The following PRKN variants were observed in gnomAD, a reference collection of about 807,000 sequenced individuals.
PRKN encodes parkin RBR E3 ubiquitin protein ligase, also known as E3 ubiquitin-protein ligase parkin.
In PRKN, 56 loss-of-function variants were observed where a neutral mutation model predicts 59.5. That is an observed-to-expected ratio of 0.94 (90% CI 0.76 to 1.18). The LOEUF (loss-of-function observed/expected upper bound fraction) is 1.18, where lower values mean the gene tolerates loss of function less well. PRKN is among the 50% of genes most tolerant of loss of function. The probability of loss-of-function intolerance (pLI) is 0.00; values close to 1 mark genes in which losing one functional copy is unlikely to be tolerated. For missense variants in PRKN, 657 were observed against 596.4 expected, an observed-to-expected ratio of 1.10 and a Z score of -1.06; for synonymous variants, 250 against 222.1, an observed-to-expected ratio of 1.13 and a Z score of -1.12.
chr6:162,030,981 A>C (rs571936902), intron 5 of PRKN, among the ~76,000 whole-genome samples: 1 of 152,352 alleles, frequency 6.6e-6, no homozygotes, highest in African/African-American at 2.4e-5. Context: ...ATGAGAGAAC[A>C]AAGAAATTAA....
chr6:162,715,138 A>T (rs562071757), intron 1 of PRKN, among the ~76,000 whole-genome samples: 56 of 152,270 alleles, frequency 3.7e-4, no homozygotes, highest in Admixed American at 5.9e-4. Context: ...TCCCATCTCA[A>T]CACCTGATGG....
chr6:162,509,250 C>G (rs1287678754), intron 1 of PRKN, among the ~76,000 whole-genome samples: 1 of 152,210 alleles, frequency 6.6e-6, no homozygotes, highest in Non-Finnish European at 1.5e-5. Context: ...ACTACCATCA[C>G]TGAGTTGTTC....
chr6:161,732,479 T>TGTG (rs1261124218), intron 7 of PRKN, among the ~76,000 whole-genome samples: 3 of 126,984 alleles, frequency 2.4e-5, no homozygotes, highest in African/African-American at 1.6e-4. Context: ...CAGAGGTTTT[T>TGTG]TTTTTTTGTG....
rs1790326464 is a variant in PRKN at position 161,463,909 on chromosome 6, T to C, written c.1084-77032A>G. Among the ~76,000 whole-genome samples the C allele has an allele frequency of 6.6e-6, 1 of 152,244 alleles. No individual in the cohort carries two copies. The highest frequency in any genetic ancestry group is 1.5e-5 in the Non-Finnish European group (1 of 68,038). ...TTTAAGATACTGTACTCCATAGAGC[T>C]AGGATGGTAGACATCAACATACAGA... On this transcript the variant is annotated intron_variant, in intron 9 of 11. Transcript: ENST00000366898. This position sits in a 1 kb window ranked among gnomAD's most constrained non-coding sequence, Gnocchi z 4.8.
intron 1 of PRKN, among the ~76,000 whole-genome samples, chr6:162,617,766 T>A (rs181607606): frequency 6.6e-6 from 1 of 152,058 alleles, no homozygotes; most frequent in African/African-American, 2.4e-5. Context: ...TAATTTTTTT[T>A]TGTTATGGTC....
intron 5 of PRKN, among the ~76,000 whole-genome samples, chr6:161,992,930 T>A (rs1299760986): frequency 2.0e-5 from 3 of 151,996 alleles, no homozygotes; most frequent in Non-Finnish European, 4.4e-5. Context: ...ATGTAATATA[T>A]TAAAACCCGT....
intron 4 of PRKN, among the ~76,000 whole-genome samples, chr6:162,180,230 G>T (rs1193732971): frequency 6.6e-6 from 1 of 152,064 alleles, no homozygotes; most frequent in African/African-American, 2.4e-5. Context: ...TTTTCACTTG[G>T]TTGAAAGCTA....
In PRKN at chr6:161,417,084, G is replaced by C. The variant is rs527738719; in HGVS notation, c.1084-30207C>G. 6.6e-6 allele frequency among the ~76,000 whole-genome samples: 1 copy of C among 152,290 alleles called. No individual in the cohort carries two copies. The highest frequency in any genetic ancestry group is 6.5e-5 in the Admixed American group (1 of 15,288). On this transcript the variant is annotated intron_variant, in intron 9 of 11. Transcript: ENST00000366898. This position sits in a 1 kb window ranked among gnomAD's most constrained non-coding sequence, Gnocchi z 5.4. ...CACCCCTCATTCAAGCTCCAGACCT[G>C]GGCCAAGAGCAAGAAGAGAGCTTGC...
intron 4 of PRKN, among the ~76,000 whole-genome samples, chr6:162,145,683 A>G (rs530993848): frequency 6.6e-6 from 1 of 152,302 alleles, no homozygotes; most frequent in East Asian, 1.9e-4. Context: ...AAATACCCCC[A>G]GAGGTTTCCC....
Position 161,349,851 on chromosome 6 carries a change from G to T in PRKN, c.*248C>A. The T allele has an allele frequency of 1.7e-6, 1 of 572,192 alleles. No individual in the cohort carries two copies. The highest frequency in any genetic ancestry group is 3.2e-6 in the Non-Finnish European group (1 of 314,090). 35.4% of individuals were successfully genotyped at this position (572,192 alleles called of 1,614,324 possible). ...GTCGCAGATGGCTCTGCTGTCTTGT[G>T]TGGACAAACTGAAAGGGATTCAGGA... On this transcript the variant is annotated 3_prime_UTR_variant, in exon 12 of 12. Transcript: ENST00000366898. The surrounding 1 kb of genome is among the most constrained non-coding windows in gnomAD (Gnocchi z 5.5).
At chr6:161,364,914 G>T (rs1029835497) in intron 10 of PRKN, among the ~76,000 whole-genome samples, 1 of 148,066 alleles carries the variant, frequency 6.8e-6, no homozygotes, top group Non-Finnish European at 1.5e-5. Context: ...CTGGGCAACG[G>T]AGTGAGACTT....
intron 6 of PRKN, among the ~76,000 whole-genome samples, chr6:161,828,955 G>A (rs374594986): frequency 1.3e-5 from 2 of 151,402 alleles, no homozygotes; most frequent in African/African-American, 2.4e-5. Flanking sequence ...AGCCGGTTGC[G>A]ACGGCTCACA....
At chr6:161,517,160 T>A (rs370125873) in intron 9 of PRKN, among the ~76,000 whole-genome samples, 19 of 152,104 alleles carry the variant, frequency 1.2e-4, no homozygotes, top group African/African-American at 4.6e-4. Flanking sequence ...GATGACTTCT[T>A]TTATCTGGGA....
chr6:161,391,753 AAAGGCCTAAG>A lies in PRKN; in HGVS notation c.1084-4886_1084-4877del, dbSNP rs1786512031. Among the ~76,000 whole-genome samples, 1 of 152,028 alleles carries A rather than the reference AAAGGCCTAAG, an allele frequency of 6.6e-6. No individual in the cohort carries two copies. The highest frequency in any genetic ancestry group is 1.5e-5 in the Non-Finnish European group (1 of 68,020). ...TGAAGGGGGCTGATTCAATCTGTGG[AAAGGCCTAAG>A]AGCATAACTGAGCCTTCCCTGAGGA... On this transcript the variant is annotated intron_variant, in intron 9 of 11. Transcript: ENST00000366898. This position sits in a 1 kb window ranked among gnomAD's most constrained non-coding sequence, Gnocchi z 4.9.
At chr6:162,567,318 A>G (rs1583820326) in intron 1 of PRKN, among the ~76,000 whole-genome samples, 1 of 152,314 alleles carries the variant, frequency 6.6e-6, no homozygotes, top group East Asian at 1.9e-4. Flanking sequence ...TTGTAAAGGA[A>G]GAAGTCAAAT....
At chr6:162,517,501 C>A (rs1031787172) in intron 1 of PRKN, among the ~76,000 whole-genome samples, 1 of 151,924 alleles carries the variant, frequency 6.6e-6, no homozygotes, top group African/African-American at 2.4e-5. Context: ...TGTGATCTGC[C>A]CACTTCGGCC....
chr6:162,521,253 T>C (rs904279931), intron 1 of PRKN, among the ~76,000 whole-genome samples: 5 of 152,176 alleles, frequency 3.3e-5, no homozygotes, highest in African/African-American at 9.6e-5. Flanking sequence ...TTTCCAAAAC[T>C]ATAAGCAAGC....
rs1583302087 is a variant in PRKN, at chr6:162,275,750, A to G, written c.172-12985T>C. Among the ~76,000 whole-genome samples, 6 of 151,266 alleles carry G rather than the reference A, an allele frequency of 4.0e-5. No individual in the cohort carries two copies. In the Admixed American group the frequency reaches 4.0e-4, roughly 10 times the overall value. ...CAGTGAACCAAGACCACACAATCGC[A>G]CTCCTGCCTGGGTAACAAGAGTGAA... On this transcript the variant is annotated intron_variant, in intron 2 of 11. Transcript: ENST00000366898.
intron 5 of PRKN, among the ~76,000 whole-genome samples, chr6:162,022,837 C>T (rs778072477): frequency 1.3e-5 from 2 of 152,084 alleles, no homozygotes; most frequent in African/African-American, 2.4e-5. Context: ...TTTTTGCATA[C>T]GGTGAGAGGA....
Sources: gnomAD v4.1 joint callset for allele counts (sites outside exome capture counted in the v4.1 genomes callset) on GRCh38, gnomAD v4.1.1 for gene constraint, Gnocchi (gnomAD v3.1) non-coding constraint, MANE v1.5 for transcripts, NCBI Gene and HGNC (gene_info 2026-07-23, HGNC 2026-07-21) for gene names.